LYPLAL1: variants seen among roughly 807,000 people sequenced by gnomAD.
LYPLAL1 encodes the protein lysophospholipase like 1.
A neutral mutation model predicts 19.7 loss-of-function variants in LYPLAL1; 23 were observed. The ratio of observed to expected loss-of-function variants is 1.17; its 90% CI spans 0.84 to 1.65. The LOEUF (loss-of-function observed/expected upper bound fraction) is 1.65. Among genes scored for constraint, LYPLAL1 ranks in the 40% most tolerant of loss-of-function variants. The pLI is 0.00. For missense variants in LYPLAL1, 355 were observed against 279.4 expected (o/e 1.27, Z -1.93); for synonymous variants, 119 against 96.3 (o/e 1.24, Z -1.38).
chr1:219,215,904 A>G (rs948615722), downstream of LYPLAL1, among the ~76,000 whole-genome samples: 1 of 152,114 alleles, frequency 6.6e-6, no homozygotes, highest in African/African-American at 2.4e-5. Context: ...ATTCCCTGTT[A>G]CTACATCACA....
chr1:219,404,704 A>G, the LYPLAL1 span, among the ~76,000 whole-genome samples: 1 of 152,232 alleles, frequency 6.6e-6, no homozygotes, highest in Non-Finnish European at 1.5e-5. Context: ...CCTAGTGTAC[A>G]GTAGCACACT....
the LYPLAL1 span, among the ~76,000 whole-genome samples, chr1:219,327,209 A>G: frequency 8.5e-5 from 13 of 152,112 alleles, no homozygotes; most frequent in African/African-American, 1.9e-4. Flanking sequence ...CACCAACATC[A>G]CTGCTTCTCC....
At chr1:219,252,045 A>G in the LYPLAL1 span, among the ~76,000 whole-genome samples, 2 of 151,652 alleles carry the variant, frequency 1.3e-5, no homozygotes, top group Non-Finnish European at 1.5e-5. Flanking sequence ...TTTTTGTGGC[A>G]TTTGTGAATG....
At chr1:219,286,227 TAGGG>T in the LYPLAL1 span, among the ~76,000 whole-genome samples, 1 of 152,000 alleles carries the variant, frequency 6.6e-6, no homozygotes, top group Non-Finnish European at 1.5e-5. Flanking sequence ...AGTGACAAAC[TAGGG>T]GGTTCCTAGG....
chr1:219,380,491 C>T, the LYPLAL1 span, among the ~76,000 whole-genome samples: 1 of 152,224 alleles, frequency 6.6e-6, no homozygotes, highest in Admixed American at 6.5e-5. Flanking sequence ...GGGAGCATCC[C>T]AAGGGAAGTG....
At chr1:219,410,576 A>T in the LYPLAL1 span, among the ~76,000 whole-genome samples, 1 of 152,172 alleles carries the variant, frequency 6.6e-6, no homozygotes, top group Non-Finnish European at 1.5e-5. Context: ...TCAGTCCCCT[A>T]CTGCACTGTG....
chr1:219,175,038 G>A, intron 1 of LYPLAL1: 1 of 985,428 alleles, frequency 1.0e-6, no homozygotes, highest in Non-Finnish European at 1.2e-6. Flanking sequence ...TAAATGGGAC[G>A]GTGATTGGAA....
At chr1:219,364,120 T>G in the LYPLAL1 span, among the ~76,000 whole-genome samples, 3 of 152,160 alleles carry the variant, frequency 2.0e-5, no homozygotes, top group Non-Finnish European at 4.4e-5. Flanking sequence ...CCTGAGGGGA[T>G]CTAGCCAAAG....
At chr1:219,182,528 A>C (rs780436676) in intron 2 of LYPLAL1, among the ~76,000 whole-genome samples, 3 of 152,148 alleles carry the variant, frequency 2.0e-5, no homozygotes, top group African/African-American at 7.2e-5. Context: ...AAAAGGAGGC[A>C]TGTGATAGAT....
At chr1:219,289,077 TG>T in the LYPLAL1 span, among the ~76,000 whole-genome samples, 35 of 121,952 alleles carry the variant, frequency 2.9e-4, no homozygotes, top group Non-Finnish European at 5.8e-4. Flanking sequence ...CCTCTTGTTT[TG>T]TTTTTTTTGT....
At chr1:219,316,751 A>G in the LYPLAL1 span, among the ~76,000 whole-genome samples, 1,041 of 152,334 alleles carry the variant, frequency 6.8e-3, 22 homozygotes, top group East Asian at 0.08. Flanking sequence ...TGCAATGTGG[A>G]TTAATCTTGC....
At chr1:219,326,560 G>A in the LYPLAL1 span, among the ~76,000 whole-genome samples, 5 of 152,250 alleles carry the variant, frequency 3.3e-5, no homozygotes, top group East Asian at 9.6e-4. Context: ...ACTCGGGGTA[G>A]TGGCCTAAGG....
the LYPLAL1 span, among the ~76,000 whole-genome samples, chr1:219,241,478 G>A: frequency 3.3e-5 from 5 of 152,058 alleles, no homozygotes; most frequent in African/African-American, 1.2e-4. Context: ...TTGGGCATGA[G>A]CTTTCCAGAA....
At chr1:219,215,254 T>A (rs186844695), downstream of LYPLAL1, among the ~76,000 whole-genome samples, 1 of 152,170 alleles carries the variant, frequency 6.6e-6, no homozygotes, top group Non-Finnish European at 1.5e-5. Context: ...CAGATAAACA[T>A]GTTTTCTCTT....
rs561696719 is a variant in LYPLAL1 at position 219,182,540 on chromosome 1, C to A, written c.191+3294C>A. Among the ~76,000 whole-genome samples the A allele has an allele frequency of 5.9e-5, 9 of 152,174 alleles. No individual in the cohort carries two copies. In the South Asian group the frequency reaches 1.9e-3, roughly 32 times the overall value. ...GTCAAAAGGAGGCATGTGATAGATA[C>A]GTGCCTTCCTTAACTCTCACTCTTT... On this transcript the variant is annotated intron_variant, in intron 2 of 4. Transcript: ENST00000366928.
the LYPLAL1 span, among the ~76,000 whole-genome samples, chr1:219,294,481 C>T: frequency 3.7e-3 from 557 of 152,318 alleles, 8 homozygotes; most frequent in African/African-American, 0.013. Flanking sequence ...TTGAGCTGCT[C>T]CCTTACTTAT....
At chr1:219,378,931 G>A in the LYPLAL1 span, among the ~76,000 whole-genome samples, 6 of 152,082 alleles carry the variant, frequency 3.9e-5, no homozygotes, top group Non-Finnish European at 8.8e-5. Context: ...TTACCAAGGG[G>A]GAGAGCTTGT....
rs746434042 is a variant in LYPLAL1 at position 219,193,242 on chromosome 1, A to T, written c.352A>T (p.Ile118Leu). The stretch of plus-strand genomic sequence containing the variant: ...AAAAAGTGGCATCAAGAAGAACAGG[A>T]TATTAATAGGTAAGACCTTTAAATG... ...EVKSGIKKNR[I>L]LIGGFSMGGC... The change falls in exon 3 of 5, where the codon ATA (isoleucine) becomes TTA (leucine). Residue 118 changes from isoleucine to leucine, a missense_variant. By Grantham distance (5) the Ile-to-Leu change is conservative. Coordinates refer to ENST00000366928, the MANE Select transcript of LYPLAL1 (RefSeq NM_138794.5). The T allele has an allele frequency of 1.9e-6, 3 of 1,608,860 alleles. No homozygotes were observed. In the East Asian group the frequency reaches 6.7e-5, roughly 36 times the overall value.
At chr1:219,430,108 A>G in the LYPLAL1 span, among the ~76,000 whole-genome samples, 1 of 152,114 alleles carries the variant, frequency 6.6e-6, no homozygotes, top group Non-Finnish European at 1.5e-5. Flanking sequence ...AGCCTGGGCA[A>G]CATGGTAAAA....
Sources: gnomAD v4.1 joint callset for allele counts (sites outside exome capture counted in the v4.1 genomes callset) on GRCh38, gnomAD v4.1.1 for gene constraint, MANE v1.5 for transcripts, NCBI Gene and HGNC (gene_info 2026-07-23, HGNC 2026-07-21) for gene names.